The following MDGA2 variants were observed in gnomAD, a reference collection of about 807,000 sequenced individuals.
MDGA2 encodes MAM domain-containing glycosylphosphatidylinositol anchor protein 2.
In MDGA2, 40 loss-of-function variants were observed where a neutral mutation model predicts 117.8. The ratio of observed to expected loss-of-function variants is 0.34; its 90% confidence interval spans 0.26 to 0.44. MDGA2 has a LOEUF of 0.44. Ranked by LOEUF, MDGA2 falls within the 20% of genes least tolerant of loss-of-function variation. MDGA2 has a pLI of 1.00. For missense variants in MDGA2, 1,123 were observed against 1,250.6 expected, an observed-to-expected ratio of 0.90 and a Z score of 1.54; for synonymous variants, 452 against 439.0, an observed-to-expected ratio of 1.03 and a Z score of -0.37.
In MDGA2 at chr14:47,226,260, A is replaced by G. The variant is rs888987036; in HGVS notation, c.421-8065T>C. ...AAATAAATAAATAAATAAATAAATA[A>G]ATGGGAGGAGTCTGAAGAACAAGGG... On this transcript the variant is annotated intron_variant, in intron 2 of 16. Transcript: ENST00000399232. 8.4e-4 allele frequency among the ~76,000 whole-genome samples: 125 copies of G among 148,762 alleles called. 1 individual carries two copies. Among genetic ancestry groups the G allele is most frequent in the Non-Finnish European group, 5.1e-4 (34 of 67,252 alleles).
At chr14:46,894,479 C>G (rs191943807) in intron 10 of MDGA2, among the ~76,000 whole-genome samples, 3 of 151,946 alleles carry the variant, frequency 2.0e-5, no homozygotes, top group East Asian at 3.9e-4. Flanking sequence ...CAAGGGGCAA[C>G]AGAGGAAGAT....
intron 8 of MDGA2, among the ~76,000 whole-genome samples, chr14:47,000,872 T>C (rs28584964): frequency 0.35 from 53,190 of 151,744 alleles, 9,433 homozygotes; most frequent in South Asian, 0.42. Context: ...AATTCTTTGA[T>C]TATTAAAGTA....
intron 3 of MDGA2, among the ~76,000 whole-genome samples, chr14:47,200,186 AAAGG>A (rs1484212171): frequency 6.6e-6 from 1 of 152,020 alleles, no homozygotes; most frequent in East Asian, 1.9e-4. Flanking sequence ...AAAGAACGAA[AAAGG>A]AAGAAGAAAG....
intron 2 of MDGA2, among the ~76,000 whole-genome samples, chr14:47,231,824 C>G (rs1050336157): frequency 6.6e-6 from 1 of 150,708 alleles, no homozygotes; most frequent in African/African-American, 2.4e-5. Context: ...CTTCTGAAAA[C>G]AGAGTGTTCT....
At chr14:47,112,722 A>C (rs1249308990) in intron 5 of MDGA2, among the ~76,000 whole-genome samples, 1 of 152,156 alleles carries the variant, frequency 6.6e-6, no homozygotes, top group Non-Finnish European at 1.5e-5. Flanking sequence ...ATATCTTTAT[A>C]ATAGAATGAT....
At chr14:47,194,766 C>A (rs1400072922) in intron 3 of MDGA2, among the ~76,000 whole-genome samples, 1 of 151,708 alleles carries the variant, frequency 6.6e-6, no homozygotes, top group African/African-American at 2.4e-5. Context: ...CTCACTCTCT[C>A]TTTCTCTCTC....
intron 1 of MDGA2, among the ~76,000 whole-genome samples, chr14:47,518,589 TTA>T (rs1215867507): frequency 6.6e-6 from 1 of 152,224 alleles, no homozygotes; most frequent in Non-Finnish European, 1.5e-5. Context: ...TTTTGTTATT[TTA>T]TGTCTACTTT....
intron 3 of MDGA2, among the ~76,000 whole-genome samples, chr14:47,159,524 G>A (rs1482992614): frequency 6.6e-6 from 1 of 152,136 alleles, no homozygotes; most frequent in Non-Finnish European, 1.5e-5. Flanking sequence ...TTTGTAACTA[G>A]TTGTATCGAA....
In MDGA2 at chr14:47,192,495, G is replaced by C. The variant is rs59570079; in HGVS notation, c.595+25526C>G. 2.2e-4 allele frequency among the ~76,000 whole-genome samples: 34 copies of C among 151,994 alleles called. No homozygotes were observed. The East Asian group carries it at 3.5e-3, about 16-fold the overall frequency. The stretch of plus-strand genomic sequence containing the variant: ...CCTGGTGTGGTGGCACGTAGCTGTA[G>C]TCCCAGCTACTTGGGAGGCTGAGGC... On this transcript the variant is annotated intron_variant, in intron 3 of 16. Transcript: ENST00000399232.
At chr14:47,432,346 T>G (rs549587110) in intron 1 of MDGA2, among the ~76,000 whole-genome samples, 2 of 152,148 alleles carry the variant, frequency 1.3e-5, no homozygotes, top group Non-Finnish European at 2.9e-5. Flanking sequence ...TGTCTAGCAG[T>G]TGAAATGTGT....
Position 47,242,523 on chromosome 14 carries a change from G to A in MDGA2, c.421-24328C>T, listed in dbSNP as rs1267576749. On this transcript the variant is annotated intron_variant, in intron 2 of 16. Transcript: ENST00000399232. ...TTCCGGGTGGGCGTGGGCTTGGTGG[G>A]CCCCGCACTTGGAGCAGCCAGCCAG... Among the ~76,000 whole-genome samples, 2 of 151,820 alleles carry A rather than the reference G, an allele frequency of 1.3e-5. 1 individual carries two copies. The highest frequency in any genetic ancestry group is 2.9e-5 in the Non-Finnish European group (2 of 67,804).
intron 14 of MDGA2, among the ~76,000 whole-genome samples, chr14:46,869,151 C>A (rs1476228202): frequency 2.0e-5 from 3 of 151,970 alleles, no homozygotes; most frequent in Non-Finnish European, 2.9e-5. Context: ...CCCCTGTTTA[C>A]TCCATAGTGG....
chr14:47,067,830 G>A (rs1339246640), intron 6 of MDGA2, among the ~76,000 whole-genome samples: 1 of 152,166 alleles, frequency 6.6e-6, no homozygotes, highest in Non-Finnish European at 1.5e-5. Context: ...TATATGCAGT[G>A]TTAGTCTTAA....
chr14:46,880,650 A>G (rs1882409462), intron 11 of MDGA2, among the ~76,000 whole-genome samples: 1 of 151,552 alleles, frequency 6.6e-6, no homozygotes. Context: ...TAAAAATACA[A>G]AATTAGTAGG....
At chr14:47,063,815 T>G (rs905549347) in intron 6 of MDGA2, among the ~76,000 whole-genome samples, 3 of 152,016 alleles carry the variant, frequency 2.0e-5, no homozygotes, top group Admixed American at 2.0e-4. Flanking sequence ...AGAATAGTTT[T>G]CATTACAAAG....
intron 1 of MDGA2, among the ~76,000 whole-genome samples, chr14:47,400,758 C>CTTTTTTT (rs570103742): frequency 3.8e-4 from 25 of 66,210 alleles, no homozygotes; most frequent in African/African-American, 4.8e-4. Flanking sequence ...CTTTTCTTTT[C>CTTTTTTT]TTTTTTTTTT....
At chr14:47,574,248 C>A (rs1370388804) in intron 1 of MDGA2, among the ~76,000 whole-genome samples, 2 of 152,106 alleles carry the variant, frequency 1.3e-5, no homozygotes, top group Non-Finnish European at 2.9e-5. Context: ...ATATCACAAG[C>A]CTAAGTAAAG....
chr14:47,285,750 C>T (rs888534462), intron 2 of MDGA2, among the ~76,000 whole-genome samples: 7 of 152,166 alleles, frequency 4.6e-5, no homozygotes, highest in South Asian at 4.2e-4. Flanking sequence ...CAGTACCTCA[C>T]GGACATAAGT....
intron 6 of MDGA2, among the ~76,000 whole-genome samples, chr14:47,064,253 G>T (rs915798831): frequency 8.6e-5 from 13 of 151,790 alleles, no homozygotes; most frequent in African/African-American, 3.1e-4. Flanking sequence ...TCTATGATTT[G>T]GCCTAAGTCA....
Sources: allele counts gnomAD v4.1 joint callset (sites outside exome capture counted in the v4.1 genomes callset), GRCh38; gene constraint gnomAD v4.1.1; transcripts MANE v1.5; gene names NCBI Gene and HGNC (gene_info 2026-07-23, HGNC 2026-07-21).